Variants in EYS observed in about 807,000 individuals in gnomAD.
EYS encodes the protein EGF-like photoreceptor maintenance factor.
A neutral mutation model predicts 282.1 loss-of-function variants in EYS; 250 were observed. The observed-to-expected ratio is 0.89, with a 90% CI of 0.80 to 0.98. EYS has a LOEUF of 0.98. Ranked by LOEUF, EYS falls within the 50% of genes least tolerant of loss-of-function variation. The probability of loss-of-function intolerance (pLI) is 0.00; values close to 1 mark genes in which losing one functional copy is unlikely to be tolerated. For missense variants in EYS, 4,016 were observed against 3,709.0 expected, an observed-to-expected ratio of 1.08 and a Z score of -2.15; for synonymous variants, 1,355 against 1,282.9, an observed-to-expected ratio of 1.06 and a Z score of -1.20.
At chr6:65,421,939 C>T (rs1209540009) in intron 5 of EYS, among the ~76,000 whole-genome samples, 1 of 151,768 alleles carries the variant, frequency 6.6e-6, no homozygotes, top group Non-Finnish European at 1.5e-5. Context: ...GATCACAGAG[C>T]CCCATGTAGA....
intron 2 of EYS, among the ~76,000 whole-genome samples, chr6:65,580,868 T>A (rs1764841637): frequency 6.6e-6 from 1 of 152,104 alleles, no homozygotes; most frequent in Non-Finnish European, 1.5e-5. Flanking sequence ...AAAGGCCATT[T>A]TTTATCTCAA....
At position 65,305,920 on chromosome 6, in the gene EYS, G is replaced by A. The variant is rs9354220; in HGVS notation, c.1767-9801C>T. The stretch of plus-strand genomic sequence containing the variant: ...CAATATTTATCTATGGGCTGTAGCA[G>A]TACACTGAATTGTACTGTGCCAGGG... On this transcript the variant is annotated intron_variant, in intron 11 of 42. Transcript: ENST00000503581. Among the ~76,000 whole-genome samples, 254 of 152,266 alleles carry A rather than the reference G, an allele frequency of 1.7e-3. 8 individuals carry two copies. In the East Asian group the frequency reaches 0.04, roughly 24 times the overall value.
chr6:65,622,953 T>G lies in EYS; in HGVS notation c.-333+16825A>C, dbSNP rs373121966. ...TCAAATTATTCGTACAGCTGAGATC[T>G]GTCTATGTTGCCCAGGCTGGTCTCA... is the stretch of plus-strand genomic sequence containing the variant. On this transcript the variant is annotated intron_variant, in intron 2 of 42. Coordinates refer to ENST00000503581, the MANE Select transcript of EYS (RefSeq NM_001142800.2). Among the ~76,000 whole-genome samples the G allele has an allele frequency of 4.6e-5, 7 of 152,242 alleles. No individual in the cohort carries two copies. The East Asian group carries it at 1.2e-3, about 25-fold the overall frequency.
At chr6:65,116,560 T>C (rs932861492) in intron 12 of EYS, among the ~76,000 whole-genome samples, 2 of 152,258 alleles carry the variant, frequency 1.3e-5, no homozygotes, top group African/African-American at 4.8e-5. Flanking sequence ...TGCTGGCTAT[T>C]GAACGTGACA....
intron 30 of EYS, among the ~76,000 whole-genome samples, chr6:64,299,007 G>A (rs1769134900): frequency 6.6e-6 from 1 of 152,168 alleles, no homozygotes; most frequent in Admixed American, 6.5e-5. Flanking sequence ...AAATGTAGGA[G>A]TTCAGTCAGG....
At chr6:64,817,032 C>CTG (rs1466406939) in intron 21 of EYS, among the ~76,000 whole-genome samples, 1 of 151,514 alleles carries the variant, frequency 6.6e-6, no homozygotes, top group Non-Finnish European at 1.5e-5. Context: ...GCAAGGTACT[C>CTG]TGTGTGTGTG....
intron 12 of EYS, among the ~76,000 whole-genome samples, chr6:65,283,585 T>C (rs1768281265): frequency 6.6e-6 from 1 of 152,056 alleles, no homozygotes; most frequent in South Asian, 2.1e-4. Context: ...TTACTGATTT[T>C]AATGGAGATT....
rs1764941019 is a variant in EYS at position 65,583,581 on chromosome 6, T to C, written c.-333+56197A>G. ...GACAGGAGGGAAAAAAAGTTTGAGT[T>C]TCCATTTTCATTAATATCTTCACTT... On this transcript the variant is annotated intron_variant, in intron 2 of 42. Coordinates refer to ENST00000503581, the MANE Select transcript of EYS (RefSeq NM_001142800.2). Among the ~76,000 whole-genome samples, 4 of 152,184 alleles carry C rather than the reference T, an allele frequency of 2.6e-5. 1 individual carries two copies. In the South Asian group the frequency reaches 8.3e-4, roughly 32 times the overall value.
intron 22 of EYS, among the ~76,000 whole-genome samples, chr6:64,800,363 GAGATC>G (rs1240102809): frequency 1.1e-4 from 17 of 152,048 alleles, no homozygotes; most frequent in Admixed American, 7.9e-4. Context: ...CAGGTAGGCA[GAGATC>G]AAATTCTGAC....
chr6:64,586,527 G>A (rs1354204018), intron 26 of EYS, among the ~76,000 whole-genome samples: 4 of 151,968 alleles, frequency 2.6e-5, no homozygotes, highest in African/African-American at 9.7e-5. Flanking sequence ...ATATTGGTAT[G>A]ATTAGGAAAT....
intron 26 of EYS, among the ~76,000 whole-genome samples, chr6:64,452,045 A>G (rs1775369740): frequency 6.6e-6 from 1 of 152,192 alleles, no homozygotes; most frequent in Non-Finnish European, 1.5e-5. Flanking sequence ...AGGGCATTCA[A>G]TTAGGAAAAG....
intron 30 of EYS, among the ~76,000 whole-genome samples, chr6:64,267,253 G>C (rs1767791491): frequency 6.6e-6 from 1 of 151,996 alleles, no homozygotes; most frequent in Non-Finnish European, 1.5e-5. Context: ...GGCTCGAATG[G>C]GACTGCTATT....
At chr6:64,188,908 T>C (rs1268462284) in intron 31 of EYS, among the ~76,000 whole-genome samples, 1 of 152,208 alleles carries the variant, frequency 6.6e-6, no homozygotes, top group East Asian at 1.9e-4. Context: ...ATCATCTTTT[T>C]ACTGCTGACC....
chr6:65,131,848 AG>A (rs1775888593), intron 12 of EYS, among the ~76,000 whole-genome samples: 1 of 151,970 alleles, frequency 6.6e-6, no homozygotes, highest in Admixed American at 6.6e-5. Flanking sequence ...AGAAAAGAGA[AG>A]GTCCAAATAA....
intron 12 of EYS, among the ~76,000 whole-genome samples, chr6:65,263,585 A>G (rs554849276): frequency 2.8e-4 from 43 of 152,210 alleles, no homozygotes; most frequent in African/African-American, 1.0e-3. Flanking sequence ...AATCAAAAGT[A>G]ATTTATTATT....
chr6:65,614,673 TTAGA>T (rs761964615), intron 2 of EYS, among the ~76,000 whole-genome samples: 6 of 152,114 alleles, frequency 3.9e-5, no homozygotes, highest in African/African-American at 1.4e-4. Flanking sequence ...ATTTATATTA[TTAGA>T]TAGAGAAAGT....
chr6:65,416,605 A>T (rs764813056), intron 5 of EYS, among the ~76,000 whole-genome samples: 3 of 152,044 alleles, frequency 2.0e-5, no homozygotes, highest in Non-Finnish European at 2.9e-5. Flanking sequence ...ACAATGAATA[A>T]AAGATTATTT....
intron 12 of EYS, among the ~76,000 whole-genome samples, chr6:65,283,776 A>G (rs1768286237): frequency 6.6e-6 from 1 of 152,222 alleles, no homozygotes; most frequent in African/African-American, 2.4e-5. Flanking sequence ...CAGATCTCAT[A>G]AAGAATTATA....
intron 2 of EYS, among the ~76,000 whole-genome samples, chr6:65,586,670 A>G (rs889694658): frequency 1.3e-5 from 2 of 152,106 alleles, no homozygotes; most frequent in African/African-American, 2.4e-5. Flanking sequence ...GCACTTAAAA[A>G]GTTAAGGAAA....
Sources: gnomAD v4.1 joint callset for allele counts (sites outside exome capture counted in the v4.1 genomes callset) on GRCh38, gnomAD v4.1.1 for gene constraint, MANE v1.5 for transcripts, NCBI Gene and HGNC (gene_info 2026-07-23, HGNC 2026-07-21) for gene names.